SEPTIN9: variants seen among roughly 807,000 people sequenced by gnomAD.
SEPTIN9 encodes septin 9.
SEPTIN9 carries 13 observed loss-of-function variants against 56.6 expected under a neutral mutation model. The observed-to-expected ratio is 0.23, with a 90% CI of 0.15 to 0.37. The LOEUF is 0.37. Among genes scored for constraint, SEPTIN9 ranks in the 10% least tolerant of loss-of-function variants. The probability of loss-of-function intolerance (pLI) is 1.00; values close to 1 mark genes in which losing one functional copy is unlikely to be tolerated. For synonymous variants in SEPTIN9, 332 were observed against 334.1 expected (o/e 0.99, Z 0.07); for missense variants, 650 against 823.1 (o/e 0.79, Z 2.57).
Position 77,498,514 on chromosome 17 carries a change from C to A in SEPTIN9, c.1626-9C>A. ...ACCTCACTGACCCGCCCGCCCCCCA[C>A]CCCCACAGGACGCACATGCAGAACA... On this transcript the variant is annotated splice_polypyrimidine_tract_variant and intron_variant, in intron 11 of 11. Transcript: ENST00000427177. 1 of 567,760 alleles carries A rather than the reference C, an allele frequency of 1.8e-6. No individual in the cohort carries two copies. Among genetic ancestry groups the A allele is most frequent in the Non-Finnish European group, 3.1e-6 (1 of 320,270 alleles). The allele number at this position is 567,760 out of a possible 1,614,324, so 35.2% of individuals were successfully genotyped here. A position where few individuals can be genotyped will look rare whatever the true frequency, so the allele number is the denominator to read the frequency against.
At chr17:77,481,408 C>CT (rs11395626) in intron 3 of SEPTIN9, among the ~76,000 whole-genome samples, 59,209 of 152,010 alleles carry the variant, frequency 0.39, 11,724 homozygotes, top group South Asian at 0.48. Flanking sequence ...CAGGGGCCCC[C>CT]CTCCTCCATG....
chr17:77,470,525 T>C (rs945804151), intron 3 of SEPTIN9, among the ~76,000 whole-genome samples: 4 of 151,686 alleles, frequency 2.6e-5, no homozygotes, highest in African/African-American at 4.8e-5. Flanking sequence ...CACTCATCCA[T>C]CTATCCACTC....
In SEPTIN9 at chr17:77,329,376, G is replaced by C. The variant is rs1208762203; in HGVS notation, c.76+22179G>C. ...GGCCACTGGATGCTGACAGGTGGCC[G>C]GCCCTGCCCAGCCTTGCACTGCCCT... On this transcript the variant is annotated intron_variant, in intron 2 of 11. Transcript: ENST00000427177. This position sits in a 1 kb window ranked among gnomAD's most constrained non-coding sequence, Gnocchi z 4.3. Among the ~76,000 whole-genome samples, 2 of 152,318 alleles carry C rather than the reference G, an allele frequency of 1.3e-5. No individual in the cohort carries two copies. Among genetic ancestry groups the C allele is most frequent in the Admixed American group, 1.3e-4 (2 of 15,308 alleles).
At chr17:77,401,854 G>C (rs546229232) in intron 2 of SEPTIN9, among the ~76,000 whole-genome samples, 5 of 152,258 alleles carry the variant, frequency 3.3e-5, no homozygotes, top group South Asian at 2.1e-4. Flanking sequence ...TCCCACTCCA[G>C]CCTGCATCTC....
rs776409441 is a variant in SEPTIN9, at chr17:77,445,306, C to T, written c.722-36838C>T. 3.4e-5 allele frequency: 16 copies of T among 465,750 alleles called. No individual in the cohort carries two copies. Among genetic ancestry groups the T allele is most frequent in the Non-Finnish European group, 8.8e-6 (2 of 226,970 alleles). The allele number at this position is 465,750 out of a possible 1,614,324, so 28.9% of individuals were successfully genotyped here. On this transcript the variant is annotated intron_variant, in intron 3 of 11. Coordinates refer to ENST00000427177, the MANE Select transcript of SEPTIN9 (RefSeq NM_001113491.2). The surrounding 1 kb of genome is among the most constrained non-coding windows in gnomAD (Gnocchi z 4.7). ...TCCTCCGCACCCCCATGCAGAAGCG[C>T]GGCCGCCAGCTCACAAAGGATAGGG...
At chr17:77,321,719 CTGG>C (rs1567992545) in intron 2 of SEPTIN9, among the ~76,000 whole-genome samples, 2 of 152,192 alleles carry the variant, frequency 1.3e-5, no homozygotes, top group Non-Finnish European at 2.9e-5. Flanking sequence ...CACGTTGGGA[CTGG>C]TGGAGCGGGT....
intron 2 of SEPTIN9, among the ~76,000 whole-genome samples, chr17:77,357,738 C>A (rs972089182): frequency 3.9e-5 from 6 of 152,144 alleles, no homozygotes; most frequent in African/African-American, 1.2e-4. Context: ...CCTCAGCCTC[C>A]TGAGTAGCTG....
At chr17:77,305,333 C>T (rs115616499) in intron 1 of SEPTIN9, among the ~76,000 whole-genome samples, 3,713 of 152,162 alleles carry the variant, frequency 0.024, 133 homozygotes, top group African/African-American at 0.084. Flanking sequence ...TGAAATGGGG[C>T]GGGAGCACCT....
chr17:77,282,616 T>G (rs71384155), intron 1 of SEPTIN9, among the ~76,000 whole-genome samples: 4 of 152,098 alleles, frequency 2.6e-5, no homozygotes. Flanking sequence ...TAAAGTACCT[T>G]GTCTCAAAGA....
Position 77,310,959 on chromosome 17 carries a change from G to C in SEPTIN9, c.76+3762G>C, listed in dbSNP as rs531193991. ...CATCCCTTCTGTCCTAGGTTGAACC[G>C]TGTCCCCCACAAACTCATGTCCACC... On this transcript the variant is annotated intron_variant, in intron 2 of 11. Transcript: ENST00000427177. The surrounding 1 kb of genome is among the most constrained non-coding windows in gnomAD (Gnocchi z 4.7). Among the ~76,000 whole-genome samples the C allele has an allele frequency of 6.6e-6, 1 of 152,102 alleles. No individual in the cohort carries two copies.
chr17:77,390,750 C>G (rs1322607097), intron 2 of SEPTIN9, among the ~76,000 whole-genome samples: 1 of 152,178 alleles, frequency 6.6e-6, no homozygotes, highest in Admixed American at 6.5e-5. Flanking sequence ...CGCGCCCGGC[C>G]ACACGTTTCT....
chr17:77,427,995 C>G (rs1251547470), intron 3 of SEPTIN9, among the ~76,000 whole-genome samples: 1 of 152,234 alleles, frequency 6.6e-6, no homozygotes, highest in Non-Finnish European at 1.5e-5. Flanking sequence ...TTATTGTCAT[C>G]AGTGCCATCC....
intron 4 of SEPTIN9, chr17:77,482,672 C>T: frequency 1.7e-6 from 1 of 603,800 alleles, no homozygotes; most frequent in Non-Finnish European, 3.0e-6. Context: ...CAGCTGTCCC[C>T]TCACTGTTGC....
intron 2 of SEPTIN9, among the ~76,000 whole-genome samples, chr17:77,399,090 G>C (rs1012773667): frequency 2.6e-5 from 4 of 152,198 alleles, no homozygotes; most frequent in Non-Finnish European, 4.4e-5. Flanking sequence ...TAGGGGAGGG[G>C]CCAGCTCCGG....
At chr17:77,464,873 A>G (rs906130485) in intron 3 of SEPTIN9, among the ~76,000 whole-genome samples, 24 of 152,090 alleles carry the variant, frequency 1.6e-4, no homozygotes, top group Admixed American at 5.9e-4. Flanking sequence ...GATTACAGGC[A>G]TGAGCCACTG....
intron 1 of SEPTIN9, among the ~76,000 whole-genome samples, chr17:77,287,068 T>C (rs903141544): frequency 4.1e-4 from 62 of 152,244 alleles, no homozygotes; most frequent in Admixed American, 4.0e-3. Context: ...GCCCCATGGC[T>C]CACTTTGCTG....
Position 77,445,939 on chromosome 17 carries a change from A to C in SEPTIN9, c.722-36205A>C, listed in dbSNP as rs2037722795. 1 of 171,600 alleles carries C rather than the reference A, an allele frequency of 5.8e-6. No homozygotes were observed. The highest frequency in any genetic ancestry group is 2.4e-5 in the African/African-American group (1 of 41,498). 10.6% of individuals were successfully genotyped at this position (171,600 alleles called of 1,614,324 possible). A position where few individuals can be genotyped will look rare whatever the true frequency, so the allele number is the denominator to read the frequency against. The stretch of plus-strand genomic sequence containing the variant: ...GAGATGAGTCTCTGTGGATGTGGGA[A>C]GTTCACTATCTCAAGAGCAGCAGCC... On this transcript the variant is annotated intron_variant, in intron 3 of 11. Coordinates refer to ENST00000427177, the MANE Select transcript of SEPTIN9 (RefSeq NM_001113491.2). This position sits in a 1 kb window ranked among gnomAD's most constrained non-coding sequence, Gnocchi z 4.7.
At chr17:77,373,099 C>T in intron 2 of SEPTIN9, 1 of 756,390 alleles carries the variant, frequency 1.3e-6, no homozygotes, top group Non-Finnish European at 1.6e-6. Flanking sequence ...GCGTCTCTCG[C>T]CGTCCCCTGG....
At chr17:77,455,900 T>C (rs1384380538) in intron 3 of SEPTIN9, among the ~76,000 whole-genome samples, 1 of 152,066 alleles carries the variant, frequency 6.6e-6, no homozygotes, top group Non-Finnish European at 1.5e-5. Flanking sequence ...CCGCACAAGG[T>C]CTCCTTGGGG....
Sources: gnomAD v4.1 joint callset for allele counts (sites outside exome capture counted in the v4.1 genomes callset) on GRCh38, gnomAD v4.1.1 for gene constraint, Gnocchi (gnomAD v3.1) non-coding constraint, MANE v1.5 for transcripts, NCBI Gene and HGNC (gene_info 2026-07-23, HGNC 2026-07-21) for gene names.